The following GSX1 variants were observed in gnomAD, a reference collection of about 807,000 sequenced individuals.
GSX1 encodes GS homeo box protein 1.
A neutral mutation model predicts 17.7 loss-of-function variants in GSX1; 13 were observed. The observed-to-expected ratio is 0.74, with a 90% CI of 0.48 to 1.17. The LOEUF is 1.17. Ranked by LOEUF, GSX1 falls within the 50% of genes most tolerant of loss-of-function variation. The probability of loss-of-function intolerance (pLI) is 0.00; values close to 1 mark genes in which losing one functional copy is unlikely to be tolerated. For missense variants in GSX1, 371 were observed against 372.1 expected, an observed-to-expected ratio of 1.00 and a Z score of 0.02; for synonymous variants, 202 against 176.2, an observed-to-expected ratio of 1.15 and a Z score of -1.16.
rs1008224776 is a variant in GSX1 at position 27,794,372 on chromosome 13, C to G, written c.*424C>G. On this transcript the variant is annotated 3_prime_UTR_variant, in exon 2 of 2. Coordinates refer to ENST00000302945, the MANE Select transcript of GSX1 (RefSeq NM_145657.3). ...GGCGGCCTTGGATGCTCGTTCGCTT[C>G]TCTTTTTAAAATGTCTTTTTGTCCC... The G allele has an allele frequency of 4.1e-5, 7 of 169,002 alleles. No individual in the cohort carries two copies. The highest frequency in any genetic ancestry group is 7.5e-5 in the Non-Finnish European group (6 of 80,022). The allele number at this position is 169,002 out of a possible 1,614,324, so 10.5% of individuals were successfully genotyped here.
In GSX1 at chr13:27,792,867, G is replaced by A. The variant is rs1017366862; in HGVS notation, c.177G>A (p.Pro59=). The change falls in exon 1 of 2, where the codon CCG becomes CCA. Residue 59 remains proline, a synonymous_variant. Transcript: ENST00000302945. The part of the protein sequence containing the change: ...ARKAGLLCVC[P]LCVTASQLHG... The stretch of plus-strand genomic sequence containing the variant: ...AGGCTGGGCTGCTGTGCGTGTGCCC[G>A]CTCTGCGTCACCGCCTCGCAGCTGC... 41 of 1,520,962 alleles carry A rather than the reference G, an allele frequency of 2.7e-5. No individual in the cohort carries two copies. In the African/African-American group the frequency reaches 5.1e-4, roughly 19 times the overall value. The allele number at this position is 1,520,962 out of a possible 1,614,324, so 94.2% of individuals were successfully genotyped here. A position where few individuals can be genotyped will look rare whatever the true frequency, so the allele number is the denominator to read the frequency against.
In GSX1 at chr13:27,793,748, C is replaced by G. The variant is rs962828716; in HGVS notation, c.595C>G (p.Arg199Gly). ...KQVKIWFQNR[R>G]VKHKKEGKGS... ...GGTGAAGATCTGGTTTCAGAACCGCCGAGTGAAGCACAAGAAGGAGGGCAA... is the reference window on the plus strand; with the variant it reads ...GGTGAAGATCTGGTTTCAGAACCGCGGAGTGAAGCACAAGAAGGAGGGCAA... Residue 199 changes from arginine (R) to glycine (G), a missense_variant, in exon 2 of 2, where the codon CGA becomes GGA. Transcript: ENST00000302945. This position sits in a 1 kb window ranked among gnomAD's most constrained non-coding sequence, Gnocchi z 6.2. 1.9e-6 allele frequency: 3 copies of G among 1,614,176 alleles called. No individual in the cohort carries two copies. Among genetic ancestry groups the G allele is most frequent in the African/African-American group, 1.3e-5 (1 of 75,034 alleles).
In GSX1 at chr13:27,792,623, G is replaced by C; in HGVS notation, c.-68G>C. On this transcript the variant is annotated 5_prime_UTR_variant, in exon 1 of 2. Coordinates refer to ENST00000302945, the MANE Select transcript of GSX1 (RefSeq NM_145657.3). Reference sequence around the variant, plus strand: ...GGGATACCGCGGCCAGGGAAAGCGCGTGGAGAGCCGAAAGGTGCGGTGGGC... The same window carrying C: ...GGGATACCGCGGCCAGGGAAAGCGCCTGGAGAGCCGAAAGGTGCGGTGGGC... 1 of 1,266,110 alleles carries C rather than the reference G, an allele frequency of 7.9e-7. No homozygotes were observed. The highest frequency in any genetic ancestry group is 1.0e-6 in the Non-Finnish European group (1 of 988,972). 78.4% of individuals were successfully genotyped at this position (1,266,110 alleles called of 1,614,324 possible). A position where few individuals can be genotyped will look rare whatever the true frequency, so the allele number is the denominator to read the frequency against.
At position 27,794,073 on chromosome 13, in the gene GSX1, T is replaced by C. The variant is rs577023668; in HGVS notation, c.*125T>C. ...CTGCCTGGCATGGATTTGGCACTGC[T>C]TTGCAGAGGTCCCGGGCCTGGGCAG... is the stretch of plus-strand genomic sequence containing the variant. On this transcript the variant is annotated 3_prime_UTR_variant, in exon 2 of 2. Coordinates refer to ENST00000302945, the MANE Select transcript of GSX1 (RefSeq NM_145657.3). 577 of 1,080,228 alleles carry C rather than the reference T, an allele frequency of 5.3e-4. 5 individuals are homozygous for C. The African/African-American group carries it at 7.6e-3, about 14-fold the overall frequency. The allele number at this position is 1,080,228 out of a possible 1,614,324, so 66.9% of individuals were successfully genotyped here. A position where few individuals can be genotyped will look rare whatever the true frequency, so the allele number is the denominator to read the frequency against.
In GSX1 at chr13:27,794,149, G is replaced by C. The variant is rs1044663616; in HGVS notation, c.*201G>C. 10 of 604,172 alleles carry C rather than the reference G, an allele frequency of 1.7e-5. No individual in the cohort carries two copies. Among genetic ancestry groups the C allele is most frequent in the South Asian group, 1.0e-4 (4 of 39,606 alleles). The allele number at this position is 604,172 out of a possible 1,614,324, so 37.4% of individuals were successfully genotyped here. ...CCATGGCGTCCCCGCCCCAGGGCTC[G>C]CTCGTGTCCAAAGCCAACTCCAAGC... On this transcript the variant is annotated 3_prime_UTR_variant, in exon 2 of 2. Transcript: ENST00000302945.
In GSX1 at chr13:27,792,839, G is replaced by C; in HGVS notation, c.149G>C (p.Arg50Pro). ...HGLSPGACHA[R>P]KAGLLCVCPL... Reference sequence around the variant, plus strand: ...CTCTCGCCTGGCGCCTGCCACGCGCGCAAGGCTGGGCTGCTGTGCGTGTGC... The same window carrying C: ...CTCTCGCCTGGCGCCTGCCACGCGCCCAAGGCTGGGCTGCTGTGCGTGTGC... Residue 50 changes from arginine to proline, a missense_variant, in exon 1 of 2, where the codon CGC becomes CCC. Around this residue, in one of 3 missense-constraint regions of GSX1, gnomAD observed 212 missense variants for 193.9 expected, o/e 1.09. Coordinates refer to ENST00000302945, the MANE Select transcript of GSX1 (RefSeq NM_145657.3). 2 of 1,508,462 alleles carry C rather than the reference G, an allele frequency of 1.3e-6. No individual in the cohort carries two copies. Among genetic ancestry groups the C allele is most frequent in the South Asian group, 1.2e-5 (1 of 80,890 alleles). The allele number at this position is 1,508,462 out of a possible 1,614,324, so 93.4% of individuals were successfully genotyped here.
At position 27,793,459 on chromosome 13, in the gene GSX1, A is replaced by G; in HGVS notation, c.413-107A>G. 1 of 1,096,406 alleles carries G rather than the reference A, an allele frequency of 9.1e-7. No homozygotes were observed. Among genetic ancestry groups the G allele is most frequent in the Non-Finnish European group, 1.3e-6 (1 of 767,336 alleles). 67.9% of individuals were successfully genotyped at this position (1,096,406 alleles called of 1,614,324 possible). A position where few individuals can be genotyped will look rare whatever the true frequency, so the allele number is the denominator to read the frequency against. ...TGCTGTGGATTGTGTTGGGGCGAAG[A>G]GATGGGTAAGAGGTCAAAGTCGTAG... On this transcript the variant is annotated intron_variant, in intron 1 of 1. Coordinates refer to ENST00000302945, the MANE Select transcript of GSX1 (RefSeq NM_145657.3). The surrounding 1 kb of genome is among the most constrained non-coding windows in gnomAD (Gnocchi z 6.2).
In GSX1 at chr13:27,794,030, G is replaced by A. The variant is rs567956085; in HGVS notation, c.*82G>A. 9.1e-6 allele frequency: 13 copies of A among 1,430,848 alleles called. No homozygotes were observed. Among genetic ancestry groups the A allele is most frequent in the Admixed American group, 4.7e-5 (2 of 42,988 alleles). 88.6% of individuals were successfully genotyped at this position (1,430,848 alleles called of 1,614,324 possible). A position where few individuals can be genotyped will look rare whatever the true frequency, so the allele number is the denominator to read the frequency against. ...CCTGGGACTCAGCGCTGATTCCCAG[G>A]CACCCGCAGCCAAACCACTGCCTGG... is the stretch of plus-strand genomic sequence containing the variant. On this transcript the variant is annotated 3_prime_UTR_variant, in exon 2 of 2. Transcript: ENST00000302945.
chr13:27,793,195 TG>T lies in GSX1; in HGVS notation c.412+98del. 7.5e-7 allele frequency: 1 copy of T among 1,327,214 alleles called. No homozygotes were observed. Among genetic ancestry groups the T allele is most frequent in the African/African-American group, 1.5e-5 (1 of 66,010 alleles). The allele number at this position is 1,327,214 out of a possible 1,614,324, so 82.2% of individuals were successfully genotyped here. ...GGAGGAAGAGGGACCCTGGGCTTTC[TG>T]GGGGCGGTGAGGGTCATGTCGGGGA... On this transcript the variant is annotated intron_variant, in intron 1 of 1. Coordinates refer to ENST00000302945, the MANE Select transcript of GSX1 (RefSeq NM_145657.3). This position sits in a 1 kb window ranked among gnomAD's most constrained non-coding sequence, Gnocchi z 6.2.
Position 27,793,995 on chromosome 13 carries a change from G to A in GSX1, c.*47G>A, listed in dbSNP as rs1312812939. The A allele has an allele frequency of 6.6e-6, 10 of 1,512,414 alleles. No individual in the cohort carries two copies. Among genetic ancestry groups the A allele is most frequent in the African/African-American group, 2.8e-5 (2 of 71,722 alleles). The allele number at this position is 1,512,414 out of a possible 1,614,324, so 93.7% of individuals were successfully genotyped here. A position where few individuals can be genotyped will look rare whatever the true frequency, so the allele number is the denominator to read the frequency against. On this transcript the variant is annotated 3_prime_UTR_variant, in exon 2 of 2. Coordinates refer to ENST00000302945, the MANE Select transcript of GSX1 (RefSeq NM_145657.3). This position sits in a 1 kb window ranked among gnomAD's most constrained non-coding sequence, Gnocchi z 6.2. ...CCACCCCAAGACCTCCCTGCGCCTC[G>A]GAGACTAGTCCTGGGACTCAGCGCT... is the stretch of plus-strand genomic sequence containing the variant.
Position 27,792,955 on chromosome 13 carries a change from C to A in GSX1, c.265C>A (p.Gln89Lys). The A allele has an allele frequency of 6.5e-7, 1 of 1,541,190 alleles. No homozygotes were observed. The highest frequency in any genetic ancestry group is 8.7e-7 in the Non-Finnish European group (1 of 1,149,184). Residue 89 changes from glutamine to lysine, a missense_variant, in exon 1 of 2, where the codon CAG becomes AAG. Coordinates refer to ENST00000302945, the MANE Select transcript of GSX1 (RefSeq NM_145657.3). ...GGCTTCCTTCCCACCCTTCGGCTCG[C>A]AGTACTGCCACGCGCCCCTGGGCCG... ...LKASFPPFGS[Q>K]YCHAPLGRQH...
Position 27,792,684 on chromosome 13 carries a change from CG to C in GSX1, c.-3del. 1 of 1,376,110 alleles carries C rather than the reference CG, an allele frequency of 7.3e-7. No homozygotes were observed. Among genetic ancestry groups the C allele is most frequent in the South Asian group, 1.7e-5 (1 of 59,280 alleles). The allele number at this position is 1,376,110 out of a possible 1,614,324, so 85.2% of individuals were successfully genotyped here. A position where few individuals can be genotyped will look rare whatever the true frequency, so the allele number is the denominator to read the frequency against. ...GGCTGGCTGCGGGGCGACCGCGCGCCGGGGCCATGCCGCGCTCCTTCCTGGT... is the reference window on the plus strand; with the variant it reads ...GGCTGGCTGCGGGGCGACCGCGCGCCGGGCCATGCCGCGCTCCTTCCTGGT... On this transcript the variant is annotated 5_prime_UTR_variant, in exon 1 of 2. Coordinates refer to ENST00000302945, the MANE Select transcript of GSX1 (RefSeq NM_145657.3).
Position 27,793,729 on chromosome 13 carries a change from G to A in GSX1, c.576G>A (p.Lys192=), listed in dbSNP as rs893270289. The stretch of plus-strand genomic sequence containing the variant: ...TGAATCTGTCCGAGAAGCAGGTGAA[G>A]ATCTGGTTTCAGAACCGCCGAGTGA... ...TYLNLSEKQV[K]IWFQNRRVKH... The change falls in exon 2 of 2, where the codon AAG becomes AAA. Residue 192 remains lysine, a synonymous_variant. Coordinates refer to ENST00000302945, the MANE Select transcript of GSX1 (RefSeq NM_145657.3). The surrounding 1 kb of genome is among the most constrained non-coding windows in gnomAD (Gnocchi z 6.2). 2 of 1,614,106 alleles carry A rather than the reference G, an allele frequency of 1.2e-6. No homozygotes were observed. Among genetic ancestry groups the A allele is most frequent in the African/African-American group, 2.7e-5 (2 of 74,938 alleles).
chr13:27,793,314 G>A lies in GSX1; in HGVS notation c.412+212G>A, dbSNP rs1957078113. Among the ~76,000 whole-genome samples, 1 of 152,162 alleles carries A rather than the reference G, an allele frequency of 6.6e-6. No individual in the cohort carries two copies. The highest frequency in any genetic ancestry group is 1.5e-5 in the Non-Finnish European group (1 of 68,020). On this transcript the variant is annotated intron_variant, in intron 1 of 1. Coordinates refer to ENST00000302945, the MANE Select transcript of GSX1 (RefSeq NM_145657.3). This position sits in a 1 kb window ranked among gnomAD's most constrained non-coding sequence, Gnocchi z 6.2. ...GCAGACGTCCAGGTCCTGGAGTGTG[G>A]GCCGGGGTAAGTGAGGGCTGGGATC...
At position 27,792,724 on chromosome 13, in the gene GSX1, C is replaced by T; in HGVS notation, c.34C>T (p.Leu12=). Residue 12 remains leucine (L), a synonymous_variant, in exon 1 of 2, where the codon CTG becomes TTG. Coordinates refer to ENST00000302945, the MANE Select transcript of GSX1 (RefSeq NM_145657.3). ...PRSFLVDSLV[L]REAGEKKAPE... is the part of the protein sequence containing the mutation. ...CTCCTTCCTGGTGGACTCGCTAGTG[C>T]TGCGCGAGGCGGGCGAGAAGAAGGC... is the stretch of plus-strand genomic sequence containing the variant. The T allele has an allele frequency of 6.8e-7, 1 of 1,475,400 alleles. No individual in the cohort carries two copies. Among genetic ancestry groups the T allele is most frequent in the Non-Finnish European group, 8.9e-7 (1 of 1,122,348 alleles). The allele number at this position is 1,475,400 out of a possible 1,614,324, so 91.4% of individuals were successfully genotyped here. A position where few individuals can be genotyped will look rare whatever the true frequency, so the allele number is the denominator to read the frequency against.
Position 27,793,854 on chromosome 13 carries a change from TCTC to T in GSX1, c.705_707del (p.Ser236del), listed in dbSNP as rs1160192132. On this transcript the variant is annotated inframe_deletion, in exon 2 of 2. Transcript: ENST00000302945. The surrounding 1 kb of genome is among the most constrained non-coding windows in gnomAD (Gnocchi z 6.2). ...CCGCAAGGCTGCAAGTGCGCATCGC[TCTC>T]CTCAGCCAAGTGCTCCGAGGATGAC... is the stretch of plus-strand genomic sequence containing the variant. 1 of 1,609,428 alleles carries T rather than the reference TCTC, an allele frequency of 6.2e-7. No homozygotes were observed. The highest frequency in any genetic ancestry group is 8.5e-7 in the Non-Finnish European group (1 of 1,177,338).
Position 27,792,762 on chromosome 13 carries a change from C to A in GSX1, c.72C>A (p.Ser24Arg). The A allele has an allele frequency of 6.7e-7, 1 of 1,487,148 alleles. No homozygotes were observed. Among genetic ancestry groups the A allele is most frequent in the Admixed American group, 2.3e-5 (1 of 44,408 alleles). The allele number at this position is 1,487,148 out of a possible 1,614,324, so 92.1% of individuals were successfully genotyped here. A position where few individuals can be genotyped will look rare whatever the true frequency, so the allele number is the denominator to read the frequency against. ...EAGEKKAPEG[S>R]PPPLFPYAVP... ...GCGAGAAGAAGGCGCCCGAGGGCAG[C>A]CCGCCGCCGCTCTTCCCCTACGCTG... The change falls in exon 1 of 2, where the codon AGC becomes AGA. Residue 24 changes from serine to arginine, a missense_variant. By Grantham distance (110) the Ser-to-Arg change is moderately radical. Around this residue, in one of 3 missense-constraint regions of GSX1, gnomAD observed 212 missense variants for 193.9 expected, o/e 1.09. Coordinates refer to ENST00000302945, the MANE Select transcript of GSX1 (RefSeq NM_145657.3).
Position 27,794,176 on chromosome 13 carries a change from G to C in GSX1, c.*228G>C. 1 of 543,206 alleles carries C rather than the reference G, an allele frequency of 1.8e-6. No homozygotes were observed. The allele number at this position is 543,206 out of a possible 1,614,324, so 33.6% of individuals were successfully genotyped here. On this transcript the variant is annotated 3_prime_UTR_variant, in exon 2 of 2. Transcript: ENST00000302945. Reference sequence around the variant, plus strand: ...TCGTGTCCAAAGCCAACTCCAAGCTGTGAACACTGTAAGCGCTCGAGTCCT... The same window carrying C: ...TCGTGTCCAAAGCCAACTCCAAGCTCTGAACACTGTAAGCGCTCGAGTCCT...
Position 27,792,976 on chromosome 13 carries a change from G to C in GSX1, c.286G>C (p.Gly96Arg). 1 of 1,554,262 alleles carries C rather than the reference G, an allele frequency of 6.4e-7. No individual in the cohort carries two copies. Among genetic ancestry groups the C allele is most frequent in the Non-Finnish European group, 8.6e-7 (1 of 1,157,266 alleles). ...FGSQYCHAPL[G>R]RQHSAVSPGV... ...CTCGCAGTACTGCCACGCGCCCCTGGGCCGCCAGCACTCTGCTGTGTCGCC... is the reference window on the plus strand; with the variant it reads ...CTCGCAGTACTGCCACGCGCCCCTGCGCCGCCAGCACTCTGCTGTGTCGCC... Residue 96 changes from glycine (G) to arginine (R), a missense_variant, in exon 1 of 2, where the codon GGC becomes CGC. Coordinates refer to ENST00000302945, the MANE Select transcript of GSX1 (RefSeq NM_145657.3).
Sources: gnomAD v4.1 joint callset for allele counts (sites outside exome capture counted in the v4.1 genomes callset) on GRCh38, gnomAD v4.1.1 for gene constraint, gnomAD v4.1.1 regional missense constraint, Gnocchi (gnomAD v3.1) non-coding constraint, MANE v1.5 for transcripts, NCBI Gene and HGNC (gene_info 2026-07-23, HGNC 2026-07-21) for gene names.